Variants in RSU1 observed in about 807,000 individuals in gnomAD.
RSU1 encodes the protein rsu-1.
RSU1 carries 26 observed loss-of-function variants against 31.1 expected under a neutral mutation model. That is an observed-to-expected ratio of 0.84 (90% CI 0.61 to 1.16). RSU1 has a LOEUF of 1.16. Among genes scored for constraint, RSU1 ranks in the 50% most tolerant of loss-of-function variants. RSU1 has a pLI of 0.00. For synonymous variants in RSU1, 164 were observed against 136.3 expected (o/e 1.20, Z -1.41); for missense variants, 320 against 339.1 (o/e 0.94, Z 0.44).
chr10:16,660,332 G>A (rs993230220), intron 8 of RSU1, among the ~76,000 whole-genome samples: 4 of 152,132 alleles, frequency 2.6e-5, no homozygotes, highest in South Asian at 2.1e-4. Context: ...TAAAGTTCAC[G>A]CTACCTGTTG....
intron 3 of RSU1, among the ~76,000 whole-genome samples, chr10:16,772,053 C>A (rs555327056): frequency 5.3e-5 from 8 of 152,338 alleles, no homozygotes; most frequent in African/African-American, 1.9e-4. Context: ...TGAGCTGCCT[C>A]AGGATTCTAT....
At chr10:16,790,841 G>A (rs1013889184) in intron 2 of RSU1, among the ~76,000 whole-genome samples, 2 of 152,130 alleles carry the variant, frequency 1.3e-5, no homozygotes, top group South Asian at 4.1e-4. Flanking sequence ...TCACGAAGAC[G>A]TGATTTCTTC....
intron 3 of RSU1, among the ~76,000 whole-genome samples, chr10:16,779,714 CACTG>C (rs1837611120): frequency 6.6e-6 from 1 of 152,172 alleles, no homozygotes; most frequent in Non-Finnish European, 1.5e-5. Flanking sequence ...AAGTGAAAGA[CACTG>C]ATTACCATAA....
chr10:16,626,024 T>G (rs986638869), intron 8 of RSU1, among the ~76,000 whole-genome samples: 1 of 152,070 alleles, frequency 6.6e-6, no homozygotes, highest in African/African-American at 2.4e-5. Flanking sequence ...GCTCAGTGCA[T>G]TTCAACCAAT....
chr10:16,739,466 CTT>C (rs35664560), intron 7 of RSU1, among the ~76,000 whole-genome samples: 46 of 94,244 alleles, frequency 4.9e-4, no homozygotes, highest in African/African-American at 1.9e-3. Context: ...CATTTTCTTC[CTT>C]TTTTTTTTTT....
chr10:16,756,127 C>T (rs1418503092), intron 4 of RSU1, among the ~76,000 whole-genome samples: 1 of 152,076 alleles, frequency 6.6e-6, no homozygotes, highest in Non-Finnish European at 1.5e-5. Context: ...TTTTGTTCTA[C>T]AACTGCTAAC....
At chr10:16,655,067 AAAAAAAAAG>A (rs959879949) in intron 8 of RSU1, among the ~76,000 whole-genome samples, 1 of 129,504 alleles carries the variant, frequency 7.7e-6, no homozygotes, top group Non-Finnish European at 1.6e-5. Flanking sequence ...AAAAAAAAAA[AAAAAAAAAG>A]AGAGAGAGAG....
chr10:16,609,581 G>A (rs959882931), intron 8 of RSU1, among the ~76,000 whole-genome samples: 3 of 152,210 alleles, frequency 2.0e-5, no homozygotes, highest in Non-Finnish European at 2.9e-5. Flanking sequence ...CCCGGGCCCC[G>A]TACGACGACA....
At chr10:16,734,285 G>A (rs1836580154) in intron 7 of RSU1, among the ~76,000 whole-genome samples, 1 of 152,226 alleles carries the variant, frequency 6.6e-6, no homozygotes, top group African/African-American at 2.4e-5. Flanking sequence ...GTGATGTATT[G>A]CTTTTCCCTT....
intron 7 of RSU1, among the ~76,000 whole-genome samples, chr10:16,696,035 C>G (rs1835667737): frequency 6.6e-6 from 1 of 151,942 alleles, no homozygotes; most frequent in Non-Finnish European, 1.5e-5. Flanking sequence ...ATGGAAAAGG[C>G]AAAGTGTGAA....
At chr10:16,617,001 C>T (rs1833988782) in intron 8 of RSU1, among the ~76,000 whole-genome samples, 1 of 152,096 alleles carries the variant, frequency 6.6e-6, no homozygotes, top group East Asian at 1.9e-4. Context: ...GGCAATCAGG[C>T]AAGAGAAGGA....
At chr10:16,693,751 A>G (rs987254143) in intron 8 of RSU1, among the ~76,000 whole-genome samples, 2 of 152,248 alleles carry the variant, frequency 1.3e-5, no homozygotes. Context: ...AGTCCCAGCT[A>G]CTTGGAAGGC....
At chr10:16,794,103 T>G (rs2131664052) in intron 2 of RSU1, among the ~76,000 whole-genome samples, 1 of 152,184 alleles carries the variant, frequency 6.6e-6, no homozygotes, top group Non-Finnish European at 1.5e-5. Flanking sequence ...TTCTGGGACT[T>G]GCATCACTGA....
intron 8 of RSU1, among the ~76,000 whole-genome samples, chr10:16,675,011 C>T (rs925206579): frequency 3.3e-5 from 5 of 151,052 alleles, no homozygotes; most frequent in South Asian, 2.1e-4. Context: ...CCAGCCTGGG[C>T]GACAGAGTGA....
rs564984057 is a variant in RSU1 at position 16,800,215 on chromosome 10, G to C, written c.109+16758C>G. Among the ~76,000 whole-genome samples the C allele has an allele frequency of 3.6e-4, 55 of 152,256 alleles. 1 individual carries two copies. In the South Asian group the frequency reaches 9.7e-3, roughly 27 times the overall value. On this transcript the variant is annotated intron_variant, in intron 2 of 8. Transcript: ENST00000345264. Reference sequence around the variant, plus strand: ...ACAAAATTACAAGGTACTCTAAAAAGAAGAAAGGCTGAGGAGAGAAATCAA... The same window carrying C: ...ACAAAATTACAAGGTACTCTAAAAACAAGAAAGGCTGAGGAGAGAAATCAA...
chr10:16,625,918 T>A (rs1342225287), intron 8 of RSU1, among the ~76,000 whole-genome samples: 1 of 152,146 alleles, frequency 6.6e-6, no homozygotes, highest in Non-Finnish European at 1.5e-5. Context: ...AAGGGATTAC[T>A]CACAACTAAC....
intron 2 of RSU1, among the ~76,000 whole-genome samples, chr10:16,786,373 G>A (rs1053723381): frequency 3.3e-5 from 5 of 152,112 alleles, no homozygotes; most frequent in African/African-American, 7.2e-5. Context: ...TTCGACACAC[G>A]CCCTCATTCT....
chr10:16,724,591 T>A (rs924048928), intron 7 of RSU1, among the ~76,000 whole-genome samples: 1 of 152,214 alleles, frequency 6.6e-6, no homozygotes, highest in African/African-American at 2.4e-5. Flanking sequence ...AGAGAAACCC[T>A]GCTAACAGCA....
rs1190894470 is a variant in RSU1 at position 16,785,469 on chromosome 10, T to TATACATATATATACAC, written c.110-3386_110-3385insGTGTATATATATGTAT. ...ATATATACATATATACATATATATA[T>TATACATATATATACAC]ACACATATATACATATATACATATA... is the stretch of plus-strand genomic sequence containing the variant. On this transcript the variant is annotated intron_variant, in intron 2 of 8. Transcript: ENST00000345264. 1.5e-4 allele frequency among the ~76,000 whole-genome samples: 19 copies of TATACATATATATACAC among 130,686 alleles called. 1 individual carries two copies. In the East Asian group the frequency reaches 4.2e-3, roughly 29 times the overall value. The allele number at this position is 130,686 out of a possible 152,430, so 85.7% of individuals were successfully genotyped here.
Sources: allele counts gnomAD v4.1 joint callset (sites outside exome capture counted in the v4.1 genomes callset), GRCh38; gene constraint gnomAD v4.1.1; transcripts MANE v1.5; gene names NCBI Gene and HGNC (gene_info 2026-07-23, HGNC 2026-07-21).